Variants in MANEA observed in about 807,000 individuals in gnomAD.
The protein encoded by MANEA is mannosidase endo-alpha, also known as glycoprotein endo-alpha-1,2-mannosidase.
MANEA carries 25 observed loss-of-function variants against 36.8 expected under a neutral mutation model. The observed-to-expected ratio is 0.68, with a 90% CI of 0.50 to 0.95. MANEA has a LOEUF of 0.95. Ranked by LOEUF, MANEA falls within the 40% of genes least tolerant of loss-of-function variation. MANEA has a pLI of 0.00. For synonymous variants in MANEA, 198 were observed against 188.5 expected (o/e 1.05, Z -0.41); for missense variants, 565 against 558.8 (o/e 1.01, Z -0.11).
chr6:95,601,139 C>T (rs2127944343), intron 3 of MANEA, among the ~76,000 whole-genome samples: 1 of 152,250 alleles, frequency 6.6e-6, no homozygotes, highest in South Asian at 2.1e-4. Flanking sequence ...TACTTGTCTG[C>T]ATGTTTGCTA....
In MANEA at chr6:95,608,554, A is replaced by C. The variant is rs138516559; in HGVS notation, c.*2149A>C. 1 of 152,022 alleles carries C rather than the reference A, an allele frequency of 6.6e-6. No homozygotes were observed. The highest frequency in any genetic ancestry group is 2.4e-5 in the African/African-American group (1 of 41,554). The allele number at this position is 152,022 out of a possible 1,614,324, so 9.4% of individuals were successfully genotyped here. ...CAGCAGTAACAGATTTCAGAGTAAG[A>C]TAAAGCAGATTCTGTCTTCATTGCA... is the stretch of plus-strand genomic sequence containing the variant. On this transcript the variant is annotated 3_prime_UTR_variant, in exon 5 of 5. Transcript: ENST00000358812.
chr6:95,585,169 GTCTTT>G (rs1350800101), intron 1 of MANEA, among the ~76,000 whole-genome samples: 1 of 151,736 alleles, frequency 6.6e-6, no homozygotes, highest in Non-Finnish European at 1.5e-5. Flanking sequence ...CAACAATAAT[GTCTTT>G]TCTTAATCAG....
intron 1 of MANEA, among the ~76,000 whole-genome samples, chr6:95,581,079 A>G (rs769441103): frequency 6.6e-6 from 1 of 152,178 alleles, no homozygotes; most frequent in Non-Finnish European, 1.5e-5. Context: ...AACTCATTCT[A>G]TGGGTGAGGA....
At chr6:95,577,802 G>A (rs1010821058) in intron 1 of MANEA, among the ~76,000 whole-genome samples, 164 bp downstream of exon 1, 1 of 152,212 alleles carries the variant, frequency 6.6e-6, no homozygotes, top group Non-Finnish European at 1.5e-5. Flanking sequence ...GGCGCTGGTG[G>A]CGCCCAGCGG....
In MANEA at chr6:95,605,795, A is replaced by G. The variant is rs758847534; in HGVS notation, c.779A>G (p.Asn260Ser). The G allele has an allele frequency of 4.8e-5, 78 of 1,613,454 alleles. No homozygotes were observed. In the Admixed American group the frequency reaches 7.0e-4, roughly 14 times the overall value. ...AFYRYKTKTG[N>S]ALPMFYVYDS... Reference sequence around the variant, plus strand: ...TACAGGTACAAGACGAAGACTGGCAATGCTCTTCCTATGTTTTATGTCTAT... The same window carrying G: ...TACAGGTACAAGACGAAGACTGGCAGTGCTCTTCCTATGTTTTATGTCTAT... Residue 260 changes from asparagine (N) to serine (S), a missense_variant, in exon 5 of 5, where the codon AAT becomes AGT. Asn to Ser is a conservative substitution (Grantham distance 46). Coordinates refer to ENST00000358812, the MANE Select transcript of MANEA (RefSeq NM_024641.4).
Position 95,586,443 on chromosome 6 carries a change from G to A in MANEA, c.4G>A (p.Ala2Thr), listed in dbSNP as rs780624434. 6.2e-7 allele frequency: 1 copy of A among 1,603,084 alleles called. No individual in the cohort carries two copies. The highest frequency in any genetic ancestry group is 1.1e-5 in the South Asian group (1 of 89,502). Residue 2 changes from alanine to threonine, a missense_variant, in exon 2 of 5, where the codon GCA (alanine) becomes ACA (threonine). Transcript: ENST00000358812. The stretch of plus-strand genomic sequence containing the variant: ...TTGGAGTTTAAAGTATGTCATCATG[G>A]CAAAGTTTCGGAGAAGGACTTGCAT... M[A>T]KFRRRTCIIL...
At chr6:95,598,223 A>G (rs944101540) in intron 3 of MANEA, among the ~76,000 whole-genome samples, 14 of 152,164 alleles carry the variant, frequency 9.2e-5, no homozygotes, top group African/African-American at 3.4e-4. Flanking sequence ...CTCACTATCT[A>G]TTGCTGCATA....
chr6:95,582,340 T>C (rs1035728819), intron 1 of MANEA, among the ~76,000 whole-genome samples: 1 of 151,964 alleles, frequency 6.6e-6, no homozygotes, highest in African/African-American at 2.4e-5. Context: ...CCCACCACCA[T>C]GCCTGGCTAA....
chr6:95,586,955 C>A lies in MANEA; in HGVS notation c.516C>A (p.His172Gln). The A allele has an allele frequency of 6.2e-7, 1 of 1,610,364 alleles. No individual in the cohort carries two copies. Among genetic ancestry groups the A allele is most frequent in the Non-Finnish European group, 8.5e-7 (1 of 1,177,438 alleles). ...SSRDPSVIET[H>Q]MRQMRSASIG... Reference sequence around the variant, plus strand: ...GGGATCCTTCTGTCATAGAAACTCACATGAGACAAATGCGCTCAGCTTCAA... The same window carrying A: ...GGGATCCTTCTGTCATAGAAACTCAAATGAGACAAATGCGCTCAGCTTCAA... The change falls in exon 2 of 5, where the codon CAC becomes CAA. Residue 172 changes from histidine (H) to glutamine (Q), a missense_variant. His to Gln is a conservative substitution (Grantham distance 24). Transcript: ENST00000358812.
intron 2 of MANEA, 75 bp downstream of exon 2, chr6:95,587,058 CTAGT>C (rs1165687679): frequency 9.3e-6 from 8 of 860,602 alleles, no homozygotes; most frequent in African/African-American, 8.7e-5. Context: ...TGTAACTTTA[CTAGT>C]TAATTTTCTC....
Position 95,596,733 on chromosome 6 carries a change from T to G in MANEA, c.545-4T>G. 6.6e-7 allele frequency: 1 copy of G among 1,513,560 alleles called. No individual in the cohort carries two copies. Among genetic ancestry groups the G allele is most frequent in the Non-Finnish European group, 9.2e-7 (1 of 1,090,316 alleles). 93.8% of individuals were successfully genotyped at this position (1,513,560 alleles called of 1,614,324 possible). The stretch of plus-strand genomic sequence containing the variant: ...TTCCCTTTCTTTTTGGTCTTTTCTA[T>G]TAGGTGTACTAGCCCTCTCTTGGTA... On this transcript the variant is annotated splice_region_variant and splice_polypyrimidine_tract_variant and intron_variant, in intron 2 of 4. Transcript: ENST00000358812.
chr6:95,579,576 A>G (rs1399143800), intron 1 of MANEA, among the ~76,000 whole-genome samples: 1 of 152,168 alleles, frequency 6.6e-6, no homozygotes, highest in African/African-American at 2.4e-5. Context: ...AGAAAACAAT[A>G]TATTTTTTAA....
intron 1 of MANEA, among the ~76,000 whole-genome samples, chr6:95,586,015 G>T (rs1582220683): frequency 1.3e-5 from 2 of 152,194 alleles, no homozygotes; most frequent in Middle Eastern, 3.4e-3. Context: ...ATAAATAAAT[G>T]ATTTTTAAAC....
chr6:95,578,650 A>G (rs549012315), intron 1 of MANEA, among the ~76,000 whole-genome samples: 30 of 152,158 alleles, frequency 2.0e-4, no homozygotes, highest in Non-Finnish European at 3.1e-4. Flanking sequence ...ACCCCCCAAA[A>G]CAAAAAATCA....
Sources: gnomAD v4.1 joint callset for allele counts (sites outside exome capture counted in the v4.1 genomes callset) on GRCh38, gnomAD v4.1.1 for gene constraint, MANE v1.5 for transcripts, NCBI Gene and HGNC (gene_info 2026-07-23, HGNC 2026-07-21) for gene names.